The following HYDIN variants were observed in gnomAD, a reference collection of about 807,000 sequenced individuals.
HYDIN encodes the protein HYDIN axonemal central pair apparatus protein.
Under a neutral mutation model 403.9 loss-of-function variants are expected in HYDIN, and 132 were observed. That is an observed-to-expected ratio of 0.33 (90% CI 0.28 to 0.38). The LOEUF is 0.38. HYDIN is among the 10% of genes least tolerant of loss of function. The pLI is 1.00. For synonymous variants in HYDIN, 1,202 were observed against 1,891.7 expected (o/e 0.64, Z 9.46); for missense variants, 2,827 against 5,009.5 (o/e 0.56, Z 13.15).
chr16:70,949,129 T>TA (rs1394352918), intron 41 of HYDIN, among the ~76,000 whole-genome samples: 3 of 151,992 alleles, frequency 2.0e-5, no homozygotes, highest in Non-Finnish European at 4.4e-5. Flanking sequence ...TATGCAGCCA[T>TA]AAAAAATGAT....
At chr16:71,011,090 C>A (rs1249057021) in intron 23 of HYDIN, among the ~76,000 whole-genome samples, 1 of 152,102 alleles carries the variant, frequency 6.6e-6, no homozygotes, top group Non-Finnish European at 1.5e-5. Flanking sequence ...GTAGGAGGAC[C>A]CGTAGGAGGA....
At chr16:71,033,164 C>A (rs572082052) in intron 18 of HYDIN, among the ~76,000 whole-genome samples, 44 of 151,792 alleles carry the variant, frequency 2.9e-4, no homozygotes, top group Non-Finnish European at 5.1e-4. Context: ...ATTAGTGAGA[C>A]CAATATTTCA....
chr16:71,221,847 C>T (rs193088436), intron 1 of HYDIN, among the ~76,000 whole-genome samples: 92 of 152,314 alleles, frequency 6.0e-4, no homozygotes, highest in Admixed American at 2.1e-3. Context: ...AAAGGTTTCT[C>T]TGTACATTGT....
intron 49 of HYDIN, among the ~76,000 whole-genome samples, chr16:70,907,908 A>C (rs1293540998): frequency 6.6e-6 from 1 of 151,512 alleles, no homozygotes; most frequent in East Asian, 2.0e-4. Context: ...AGCTTGGAAA[A>C]ATTTCACCCA....
At chr16:70,883,771 A>G in intron 59 of HYDIN, 149 bp downstream of exon 59, 1 of 839,060 alleles carries the variant, frequency 1.2e-6, no homozygotes, top group Non-Finnish European at 1.8e-6. Context: ...GGGTTTTGCC[A>G]TGTTGGCCAG....
At position 70,809,842 on chromosome 16, in the gene HYDIN, G is replaced by A; in HGVS notation, c.14824C>T (p.Gln4942Ter). Residue 4942 changes from glutamine (Q) to a stop codon, truncating the protein, a stop_gained, in exon 85 of 86, where the codon CAA becomes TAA. Coordinates refer to ENST00000393567, the MANE Select transcript of HYDIN (RefSeq NM_001270974.2). LOFTEE classifies it high-confidence loss of function. ...TTGATGAACTTCACAAGGATGATTT[G>A]GCTGCTGCCAAGGACAGTCTGGAAG... ...VHFQTVLGSS[Q>*]IILVKFINYT... 2 of 1,614,186 alleles carry A rather than the reference G, an allele frequency of 1.2e-6. No homozygotes were observed. Among genetic ancestry groups the A allele is most frequent in the South Asian group, 2.2e-5 (2 of 91,082 alleles).
chr16:71,176,875 T>C (rs535355087), intron 4 of HYDIN, among the ~76,000 whole-genome samples: 41 of 152,326 alleles, frequency 2.7e-4, no homozygotes, highest in Admixed American at 1.6e-3. Context: ...CTCTATCTTT[T>C]GTACCCCACG....
In HYDIN at chr16:71,089,811, A is replaced by G. The variant is rs1382464166; in HGVS notation, c.1447-1287T>C. Among the ~76,000 whole-genome samples, 8 of 151,544 alleles carry G rather than the reference A, an allele frequency of 5.3e-5. No individual in the cohort carries two copies. The East Asian group carries it at 1.6e-3, about 29-fold the overall frequency. On this transcript the variant is annotated intron_variant, in intron 11 of 85. Coordinates refer to ENST00000393567, the MANE Select transcript of HYDIN (RefSeq NM_001270974.2). ...GAAAGGTGAGAATGGGAGTGGCAAG[A>G]CTGTGGGGAGGTACTGTGGAGGAGA...
chr16:71,020,077 G>C, intron 22 of HYDIN, 97 bp downstream of exon 22: 1 of 1,040,450 alleles, frequency 9.6e-7, no homozygotes, highest in Non-Finnish European at 1.4e-6. Context: ...ACATCTTTCT[G>C]AGCTGAAGTT....
intron 28 of HYDIN, among the ~76,000 whole-genome samples, chr16:70,982,771 T>C (rs902575057): frequency 8.9e-6 from 1 of 112,678 alleles, no homozygotes. Flanking sequence ...TTCCTACTGA[T>C]AGACATTTAG....
intron 83 of HYDIN, among the ~76,000 whole-genome samples, chr16:70,824,148 G>A (rs1235407048): frequency 6.7e-6 from 1 of 150,104 alleles, no homozygotes; most frequent in Non-Finnish European, 1.5e-5. Context: ...TTTGAAAAAT[G>A]TTTGTTATTA....
chr16:71,170,318 T>G (rs2086410661), intron 5 of HYDIN, among the ~76,000 whole-genome samples: 1 of 152,230 alleles, frequency 6.6e-6, no homozygotes, highest in Non-Finnish European at 1.5e-5. Flanking sequence ...CCCTCAGTGA[T>G]GTAGGGAATG....
Position 70,834,121 on chromosome 16 carries a change from T to G in HYDIN, c.13445A>C (p.Lys4482Thr). 20 of 1,613,562 alleles carry G rather than the reference T, an allele frequency of 1.2e-5. No individual in the cohort carries two copies. The highest frequency in any genetic ancestry group is 1.6e-5 in the Non-Finnish European group (19 of 1,179,768). ...GATGACTTCCAGTTTACAGACTTCT[T>G]TGGGCTTCAGTGTGATGTTGTGGAA... is the stretch of plus-strand genomic sequence containing the variant. ...APFHNITLKP[K>T]EVCKLEVIFA... The change falls in exon 79 of 86, where the codon AAA becomes ACA. Residue 4482 changes from lysine to threonine, a missense_variant. Coordinates refer to ENST00000393567, the MANE Select transcript of HYDIN (RefSeq NM_001270974.2).
chr16:70,957,258 G>A (rs1390869073), intron 39 of HYDIN, among the ~76,000 whole-genome samples: 2 of 150,994 alleles, frequency 1.3e-5, no homozygotes, highest in African/African-American at 4.9e-5. Flanking sequence ...TTTTGTGACT[G>A]TCCTATTTCA....
intron 66 of HYDIN, 91 bp from the exon 67 acceptor site, chr16:70,866,420 T>C: frequency 1.9e-6 from 2 of 1,055,064 alleles, no homozygotes; most frequent in Non-Finnish European, 2.7e-6. Context: ...AGAAACATTC[T>C]AGGCATATAT....
chr16:70,921,054 C>T lies in HYDIN; in HGVS notation c.7322G>A (p.Ser2441Asn), dbSNP rs1357766161. ...GGGGTCCTTTGAGTTGTCCCCTTCA[C>T]TGTCCTCTTGGTCCTGGACAAGAGG... ...GLPLVQDQED[S>N]EGDNSKDPDK... Residue 2441 changes from serine (S) to asparagine (N), a missense_variant, in exon 46 of 86, where the codon AGT becomes AAT. By Grantham distance (46) the Ser-to-Asn change is conservative. Transcript: ENST00000393567. 1 of 1,611,284 alleles carries T rather than the reference C, an allele frequency of 6.2e-7. No homozygotes were observed. The highest frequency in any genetic ancestry group is 1.7e-5 in the Admixed American group (1 of 59,934).
chr16:70,938,636 C>A lies in HYDIN; in HGVS notation c.6973G>T (p.Ala2325Ser). ...GACCTCTTCTTCCGCTCGCGGAGCG[C>A]CTGCTGAATCCCCCGATCGAATGTG... ...KLTFDRGIQQ[A>S]LRERKKREQE... Residue 2325 changes from alanine to serine, a missense_variant, in exon 44 of 86, where the codon GCG becomes TCG. Physicochemically the swap from Ala to Ser is moderately conservative, Grantham distance 99. Transcript: ENST00000393567. 1 of 1,602,074 alleles carries A rather than the reference C, an allele frequency of 6.2e-7. No individual in the cohort carries two copies.
intron 14 of HYDIN, among the ~76,000 whole-genome samples, chr16:71,067,913 G>A (rs1597699401): frequency 6.6e-6 from 1 of 152,062 alleles, no homozygotes; most frequent in South Asian, 2.1e-4. Context: ...GCAGAAAATA[G>A]AAAGTTCCAA....
chr16:70,859,010 T>C (rs1293450556), intron 71 of HYDIN, among the ~76,000 whole-genome samples: 3 of 151,260 alleles, frequency 2.0e-5, no homozygotes, highest in Admixed American at 1.3e-4. Context: ...ACATAGAACT[T>C]TGGAATTTTG....
Sources: gnomAD v4.1 joint callset for allele counts (sites outside exome capture counted in the v4.1 genomes callset) on GRCh38, gnomAD v4.1.1 for gene constraint, MANE v1.5 for transcripts, NCBI Gene and HGNC (gene_info 2026-07-23, HGNC 2026-07-21) for gene names.